EFHB: variants seen among roughly 807,000 people sequenced by gnomAD.
The protein encoded by EFHB is EF-hand domain family member B.
A neutral mutation model predicts 87.2 loss-of-function variants in EFHB; 91 were observed. That is an observed-to-expected ratio of 1.04 (90% CI 0.88 to 1.24). The LOEUF is 1.24. EFHB is among the 50% of genes most tolerant of loss of function. EFHB has a pLI of 0.00. For missense variants in EFHB, 1,084 were observed against 998.8 expected, an observed-to-expected ratio of 1.09 and a Z score of -1.15; for synonymous variants, 325 against 333.6, an observed-to-expected ratio of 0.97 and a Z score of 0.28.
At position 19,918,302 on chromosome 3, in the gene EFHB, G is replaced by A. The variant is rs781135540; in HGVS notation, c.1107C>T (p.His369=). 17 of 1,613,120 alleles carry A rather than the reference G, an allele frequency of 1.1e-5. No homozygotes were observed. The highest frequency in any genetic ancestry group is 8.8e-5 in the South Asian group (8 of 90,922). Residue 369 remains histidine (H), a synonymous_variant, in exon 4 of 13, where the codon CAC becomes CAT. Transcript: ENST00000295824. ...SNRRAPLGKS[H]DQAPGLPKGM... ...CTTTTGGTAATCCTGGTGCTTGATCGTGAGATTTTCCTAATGGTGCTCGTC... is the reference window on the plus strand; with the variant it reads ...CTTTTGGTAATCCTGGTGCTTGATCATGAGATTTTCCTAATGGTGCTCGTC...
At chr3:19,899,021 T>TGCAA (rs1298775875) in intron 7 of EFHB, among the ~76,000 whole-genome samples, 176 bp from the exon 8 acceptor site, 1 of 152,202 alleles carries the variant, frequency 6.6e-6, no homozygotes, top group Non-Finnish European at 1.5e-5. Context: ...GCATTAACAA[T>TGCAA]GACTGAATGT....
chr3:19,931,489 A>C (rs770866066), intron 1 of EFHB, among the ~76,000 whole-genome samples: 7 of 152,196 alleles, frequency 4.6e-5, no homozygotes, highest in Admixed American at 2.6e-4. Context: ...GGAAAACCCA[A>C]AGAGGAAACC....
At chr3:19,939,485 C>A (rs1032741857) in intron 1 of EFHB, among the ~76,000 whole-genome samples, 2 of 145,878 alleles carry the variant, frequency 1.4e-5, no homozygotes, top group African/African-American at 5.0e-5. Flanking sequence ...CCCGGGTTCA[C>A]GCCATTCTCC....
chr3:19,941,993 A>G (rs1375273357), intron 1 of EFHB, among the ~76,000 whole-genome samples: 1 of 151,948 alleles, frequency 6.6e-6, no homozygotes, highest in African/African-American at 2.4e-5. Context: ...CGTCTCTACT[A>G]AAAATACAAA....
At chr3:19,905,866 G>T (rs1239980217) in intron 5 of EFHB, 117 bp from the exon 6 acceptor site, 16 of 1,294,474 alleles carry the variant, frequency 1.2e-5, no homozygotes, top group Non-Finnish European at 1.0e-5. Flanking sequence ...AAATGAAATT[G>T]TAACAGTGCA....
At chr3:19,938,282 T>C (rs35909649), upstream of EFHB, among the ~76,000 whole-genome samples, 32,263 of 152,188 alleles carry the variant, frequency 0.21, 3,836 homozygotes, top group Middle Eastern at 0.27. Context: ...GTATATACAT[T>C]TGTCAAAACA....
At chr3:19,939,606 T>G (rs969118275) in intron 1 of EFHB, among the ~76,000 whole-genome samples, 26 of 151,918 alleles carry the variant, frequency 1.7e-4, no homozygotes, top group Admixed American at 3.9e-4. Context: ...GGATGGTCTC[T>G]ATCTCCTGAC....
upstream of EFHB, chr3:19,936,285 T>C (rs1345226292): frequency 4.7e-6 from 3 of 641,504 alleles, no homozygotes; most frequent in Admixed American, 4.9e-5. Flanking sequence ...AGGAGGTCTA[T>C]GCGGCAGTGA....
At chr3:19,940,914 G>A (rs531155148) in intron 1 of EFHB, 1 of 341,610 alleles carries the variant, frequency 2.9e-6, no homozygotes, top group African/African-American at 2.2e-5. Flanking sequence ...CTGTCTGCTT[G>A]GAAGGAATGG....
At chr3:19,882,016 A>AAAATAAATAAATAAATAAAT (rs368695761) in intron 12 of EFHB, among the ~76,000 whole-genome samples, 1 of 141,680 alleles carries the variant, frequency 7.1e-6, no homozygotes, top group Non-Finnish European at 1.5e-5. Flanking sequence ...TTCTGAGTCA[A>AAAATAAATAAATAAATAAAT]AAATAAATAA....
At chr3:19,938,454 A>G (rs1696072856), upstream of EFHB, among the ~76,000 whole-genome samples, 1 of 152,240 alleles carries the variant, frequency 6.6e-6, no homozygotes, top group South Asian at 2.1e-4. Flanking sequence ...GTGTTGATAC[A>G]TGGCTGGACA....
At chr3:19,889,164 C>T (rs1207409731) in intron 9 of EFHB, among the ~76,000 whole-genome samples, 1 of 152,186 alleles carries the variant, frequency 6.6e-6, no homozygotes, top group Non-Finnish European at 1.5e-5. Context: ...GTCTCACCTC[C>T]TTTCAGACAG....
In EFHB at chr3:19,888,465, C is replaced by T. The variant is rs141867051; in HGVS notation, c.1912G>A (p.Glu638Lys). Residue 638 changes from glutamate to lysine, a missense_variant, in exon 10 of 13, where the codon GAA becomes AAA. Physicochemically the swap from Glu to Lys is moderately conservative, Grantham distance 56. Transcript: ENST00000295824. ...WKDKMLLKEY[E>K]ERVIIKGRKP... ...ATACCTTTAATAATGACCCTCTCTTCATACTCTTTAAGAAGCATTTTGTCT... is the reference window on the plus strand; with the variant it reads ...ATACCTTTAATAATGACCCTCTCTTTATACTCTTTAAGAAGCATTTTGTCT... 3 of 1,558,244 alleles carry T rather than the reference C, an allele frequency of 1.9e-6. No homozygotes were observed. The highest frequency in any genetic ancestry group is 2.6e-6 in the Non-Finnish European group (3 of 1,148,368).
Position 19,896,726 on chromosome 3 carries a change from C to T in EFHB, c.1686G>A (p.Lys562=). The change falls in exon 9 of 13, where the codon AAG becomes AAA. Residue 562 remains lysine (K), a synonymous_variant. Transcript: ENST00000295824. The stretch of plus-strand genomic sequence containing the variant: ...TGAAGGCTGCCAGCAAAGTGTCAAA[C>T]TTTTGGTAATTAACTTTCTTCAGGT... The part of the protein sequence containing the change: ...RHHLKKVNYQ[K]FDTLLAAFRH... The T allele has an allele frequency of 6.2e-7, 1 of 1,614,034 alleles. No homozygotes were observed. The highest frequency in any genetic ancestry group is 8.5e-7 in the Non-Finnish European group (1 of 1,179,896).
chr3:19,883,691 C>T (rs1319890024), intron 11 of EFHB, among the ~76,000 whole-genome samples: 2 of 152,028 alleles, frequency 1.3e-5, no homozygotes, highest in Non-Finnish European at 2.9e-5. Context: ...GTATGGTGGG[C>T]CCCTAACCTA....
At chr3:19,928,434 GAA>G (rs1186233976) in intron 1 of EFHB, among the ~76,000 whole-genome samples, 2 of 152,066 alleles carry the variant, frequency 1.3e-5, no homozygotes, top group Non-Finnish European at 2.9e-5. Context: ...ATCAAAATCA[GAA>G]AAGAGACCTT....
intron 12 of EFHB, among the ~76,000 whole-genome samples, chr3:19,881,954 A>C (rs913438856): frequency 6.6e-6 from 1 of 151,958 alleles, no homozygotes; most frequent in Non-Finnish European, 1.5e-5. Context: ...TTATAACCCT[A>C]GCTTTATAAC....
chr3:19,908,620 GA>G, intron 5 of EFHB, among the ~76,000 whole-genome samples: 1 of 148,780 alleles, frequency 6.7e-6, no homozygotes, highest in African/African-American at 2.5e-5. Flanking sequence ...AAGAAAGAAA[GA>G]AAGAAAGAAA....
chr3:19,945,102 G>C (rs1361896709), intron 1 of EFHB, among the ~76,000 whole-genome samples: 1 of 152,192 alleles, frequency 6.6e-6, no homozygotes, highest in Admixed American at 6.5e-5. Context: ...TGGCTAAGAC[G>C]GAGCCAGCAG....
Sources: allele counts gnomAD v4.1 joint callset (sites outside exome capture counted in the v4.1 genomes callset), GRCh38; gene constraint gnomAD v4.1.1; transcripts MANE v1.5; gene names NCBI Gene and HGNC (gene_info 2026-07-23, HGNC 2026-07-21).